The following KTN1 variants were observed in gnomAD, a reference collection of about 807,000 sequenced individuals.
KTN1 encodes kinectin 1, also known as kinectin.
KTN1 carries 130 observed loss-of-function variants against 222.5 expected under a neutral mutation model. That is an observed-to-expected ratio of 0.58 (90% CI 0.51 to 0.68). KTN1 has a LOEUF of 0.68. Among genes scored for constraint, KTN1 ranks in the 30% least tolerant of loss-of-function variants. KTN1 has a pLI of 0.00. For synonymous variants in KTN1, 512 were observed against 496.3 expected, an observed-to-expected ratio of 1.03 and a Z score of -0.42; for missense variants, 1,508 against 1,500.4, an observed-to-expected ratio of 1.01 and a Z score of -0.08.
chr14:55,607,611 A>G (rs2036925101), intron 1 of KTN1, among the ~76,000 whole-genome samples: 1 of 152,066 alleles, frequency 6.6e-6, no homozygotes, highest in African/African-American at 2.4e-5. Context: ...TTCCATGGAT[A>G]TTTCTCTCCT....
At chr14:55,660,821 A>G (rs2044057321) in intron 31 of KTN1, among the ~76,000 whole-genome samples, 1 of 152,184 alleles carries the variant, frequency 6.6e-6, no homozygotes, top group Non-Finnish European at 1.5e-5. Flanking sequence ...AAAATGTAAA[A>G]ACAGCTCTTA....
At chr14:55,605,429 T>C (rs1180634237) in intron 1 of KTN1, among the ~76,000 whole-genome samples, 1 of 152,198 alleles carries the variant, frequency 6.6e-6, no homozygotes, top group Non-Finnish European at 1.5e-5. Context: ...TATATCTGGA[T>C]AATAATTTTT....
At chr14:55,591,142 A>C (rs1012799447) in intron 1 of KTN1, among the ~76,000 whole-genome samples, 3 of 152,008 alleles carry the variant, frequency 2.0e-5, no homozygotes, top group Non-Finnish European at 4.4e-5. Context: ...TATTTGTTGC[A>C]CTTGTGTCTC....
At chr14:55,660,744 G>A (rs2044047311) in intron 31 of KTN1, among the ~76,000 whole-genome samples, 1 of 152,050 alleles carries the variant, frequency 6.6e-6, no homozygotes, top group Admixed American at 6.6e-5. Context: ...GGACCCATAG[G>A]TCTGTTTTAT....
rs777345877 is a variant in KTN1 at position 55,658,605 on chromosome 14, C to G, written c.2952C>G (p.Asn984Lys). Residue 984 changes from asparagine (N) to lysine (K), a missense_variant, in exon 30 of 44, where the codon AAC (asparagine) becomes AAG (lysine). Physicochemically the swap from Asn to Lys is moderately conservative, Grantham distance 94. Transcript: ENST00000395314. Reference protein sequence around the residue: ...KSQIEQLKQQNYQQASSFPPH... With the variant: ...KSQIEQLKQQKYQQASSFPPH... ...AAATTGAGCAGCTTAAACAACAAAA[C>G]TACCAACAGGTAGGTATTATTAGAT... 1 of 1,602,326 alleles carries G rather than the reference C, an allele frequency of 6.2e-7. No homozygotes were observed. Among genetic ancestry groups the G allele is most frequent in the Non-Finnish European group, 8.5e-7 (1 of 1,171,102 alleles).
intron 1 of KTN1, among the ~76,000 whole-genome samples, chr14:55,611,766 T>C (rs1014310464): frequency 1.3e-5 from 2 of 152,236 alleles, no homozygotes. Flanking sequence ...TCAATTAGGA[T>C]ATTTTCACAT....
chr14:55,677,746 T>C (rs2046011133), intron 41 of KTN1, among the ~76,000 whole-genome samples: 1 of 152,212 alleles, frequency 6.6e-6, no homozygotes, highest in South Asian at 2.1e-4. Flanking sequence ...TTGCCCAGGC[T>C]GGAGTGCAAT....
chr14:55,599,721 G>T (rs2140451168), intron 1 of KTN1, among the ~76,000 whole-genome samples: 1 of 151,980 alleles, frequency 6.6e-6, no homozygotes, highest in East Asian at 1.9e-4. Flanking sequence ...CAGGTGATCC[G>T]TGAGCCATTT....
intron 4 of KTN1, among the ~76,000 whole-genome samples, chr14:55,618,477 GA>G (rs2140736741): frequency 6.6e-6 from 1 of 152,112 alleles, no homozygotes; most frequent in Non-Finnish European, 1.5e-5. Flanking sequence ...AAATTCATTG[GA>G]AAGTTCAGAG....
Position 55,580,288 on chromosome 14 carries a change from G to GCGGGCGGCC in KTN1, c.-91_-83dup, listed in dbSNP as rs2031012141. The stretch of plus-strand genomic sequence containing the variant: ...GCGGCGGCGGCGGCGGCGCCTCGGA[G>GCGGGCGGCC]CGGGCGGCCCGGGCTGTAGTGCCGG... On this transcript the variant is annotated 5_prime_UTR_variant, in exon 1 of 44. Transcript: ENST00000395314. 1 of 155,018 alleles carries GCGGGCGGCC rather than the reference G, an allele frequency of 6.5e-6. No homozygotes were observed. The highest frequency in any genetic ancestry group is 1.4e-5 in the Non-Finnish European group (1 of 72,244). 9.6% of individuals were successfully genotyped at this position (155,018 alleles called of 1,614,324 possible).
At chr14:55,593,444 C>A (rs927355451) in intron 1 of KTN1, among the ~76,000 whole-genome samples, 1 of 140,206 alleles carries the variant, frequency 7.1e-6, no homozygotes, top group African/African-American at 2.6e-5. Flanking sequence ...ACACCCCCCC[C>A]CCAAAAAAAA....
intron 31 of KTN1, among the ~76,000 whole-genome samples, chr14:55,660,361 T>C (rs916678737): frequency 2.0e-5 from 3 of 150,668 alleles, no homozygotes; most frequent in Non-Finnish European, 3.0e-5. Flanking sequence ...TACATACATA[T>C]AGTCTTTATG....
rs1015333261 is a variant in KTN1, at chr14:55,670,657, A to G, written c.3268-72A>G. 10 of 1,016,598 alleles carry G rather than the reference A, an allele frequency of 9.8e-6. No individual in the cohort carries two copies. In the South Asian group the frequency reaches 1.2e-4, roughly 13 times the overall value. The allele number at this position is 1,016,598 out of a possible 1,614,324, so 63.0% of individuals were successfully genotyped here. On this transcript the variant is annotated intron_variant, in intron 34 of 43. Transcript: ENST00000395314. Reference sequence around the variant, plus strand: ...ATAATTATCTAATTTGGTTATTTTAAATGTTTCACCTGTTTTATTTGGATT... The same window carrying G: ...ATAATTATCTAATTTGGTTATTTTAGATGTTTCACCTGTTTTATTTGGATT...
Position 55,632,963 on chromosome 14 carries a change from ACAT to A in KTN1, c.1222-267_1222-265del, listed in dbSNP as rs551956809. Among the ~76,000 whole-genome samples, 547 of 152,320 alleles carry A rather than the reference ACAT, an allele frequency of 3.6e-3. 1 individual carries two copies. Among genetic ancestry groups the A allele is most frequent in the Admixed American group, 5.4e-3 (82 of 15,294 alleles). ...ATCCTAAATCATATTTAGTTCTGAA[ACAT>A]CATCTCTAAGCATGTTTATCTTGTA... On this transcript the variant is annotated intron_variant, in intron 7 of 43. Coordinates refer to ENST00000395314, the MANE Select transcript of KTN1 (RefSeq NM_001079521.2).
At chr14:55,622,770 C>A (rs1446083983) in intron 5 of KTN1, among the ~76,000 whole-genome samples, 2 of 152,152 alleles carry the variant, frequency 1.3e-5, no homozygotes, top group South Asian at 4.1e-4. Flanking sequence ...TCCCACATAA[C>A]TGTAAAGTGA....
intron 2 of KTN1, among the ~76,000 whole-genome samples, chr14:55,614,745 A>G (rs1408604977): frequency 6.6e-6 from 1 of 152,232 alleles, no homozygotes; most frequent in Non-Finnish European, 1.5e-5. Flanking sequence ...TAGTTGTACC[A>G]GAGACCATAT....
intron 5 of KTN1, among the ~76,000 whole-genome samples, chr14:55,622,928 C>T (rs938952289): frequency 2.0e-5 from 3 of 152,132 alleles, no homozygotes; most frequent in African/African-American, 7.2e-5. Flanking sequence ...TTCTTATTCC[C>T]TCACCAAATT....
chr14:55,627,616 C>A (rs531473613), intron 5 of KTN1, among the ~76,000 whole-genome samples: 41 of 152,216 alleles, frequency 2.7e-4, no homozygotes, highest in Non-Finnish European at 1.5e-5. Flanking sequence ...TTCCCCCACG[C>A]CCCGACAGGC....
Position 55,640,950 on chromosome 14 carries a change from A to C in KTN1, c.2001A>C (p.Glu667Asp), listed in dbSNP as rs1224213099. Residue 667 changes from glutamate to aspartate, a missense_variant, in exon 16 of 44, where the codon GAA (glutamate) becomes GAC (aspartate). By Grantham distance (45) the Glu-to-Asp change is conservative. Transcript: ENST00000395314. ...ACACACAGGCTGCTGCTGCACATGA[A>C]TTGGAGAAGATGCAACAAAGGTGAC... Reference protein sequence around the residue: ...LANEQAAAAHELEKMQQSVYV... With the variant: ...LANEQAAAAHDLEKMQQSVYV... The C allele has an allele frequency of 3.1e-6, 5 of 1,611,900 alleles. No homozygotes were observed. Among genetic ancestry groups the C allele is most frequent in the Non-Finnish European group, 4.2e-6 (5 of 1,178,580 alleles).
Sources: gnomAD v4.1 joint callset for allele counts (sites outside exome capture counted in the v4.1 genomes callset) on GRCh38, gnomAD v4.1.1 for gene constraint, MANE v1.5 for transcripts, NCBI Gene and HGNC (gene_info 2026-07-23, HGNC 2026-07-21) for gene names.